Variants in CORO2A observed in about 807,000 individuals in gnomAD.
CORO2A encodes the protein coronin 2A, also known as coronin-2A.
A neutral mutation model predicts 62.4 loss-of-function variants in CORO2A; 47 were observed. The observed-to-expected ratio is 0.75, with a 90% CI of 0.60 to 0.96. The LOEUF (loss-of-function observed/expected upper bound fraction) is 0.96. Ranked by LOEUF, CORO2A falls within the 40% of genes least tolerant of loss-of-function variation. The pLI is 0.00. For missense variants in CORO2A, 610 were observed against 684.1 expected (o/e 0.89, Z 1.21); for synonymous variants, 273 against 268.9 (o/e 1.02, Z -0.15).
At chr9:98,171,235 C>T (rs561685895) in intron 1 of CORO2A, among the ~76,000 whole-genome samples, 2 of 152,222 alleles carry the variant, frequency 1.3e-5, no homozygotes, top group Non-Finnish European at 2.9e-5. Flanking sequence ...GGAAGCGCGC[C>T]TTGCTTAGCG....
At chr9:98,157,916 C>A (rs1012152544) in intron 1 of CORO2A, among the ~76,000 whole-genome samples, 1 of 152,136 alleles carries the variant, frequency 6.6e-6, no homozygotes, top group South Asian at 2.1e-4. Flanking sequence ...CTTTTCATCC[C>A]TTTGAGTGTG....
intron 2 of CORO2A, among the ~76,000 whole-genome samples, chr9:98,140,442 G>GT (rs751439267): frequency 0.015 from 2,105 of 141,242 alleles, 15 homozygotes; most frequent in Middle Eastern, 0.061. Context: ...CACTGTACTT[G>GT]TTTTTTTTTT....
chr9:98,186,817 G>A (rs565472126), intron 1 of CORO2A, among the ~76,000 whole-genome samples: 2 of 152,136 alleles, frequency 1.3e-5, no homozygotes, highest in Non-Finnish European at 2.9e-5. Context: ...GGTCAGCCTG[G>A]CTTCCTCCTC....
chr9:98,187,573 C>CAG, intron 1 of CORO2A, among the ~76,000 whole-genome samples: 1 of 152,188 alleles, frequency 6.6e-6, no homozygotes, highest in South Asian at 2.1e-4. Flanking sequence ...GGTGAGGGCC[C>CAG]ACTTCCTGGG....
At chr9:98,177,074 T>C (rs546011165) in intron 1 of CORO2A, among the ~76,000 whole-genome samples, 18 of 152,328 alleles carry the variant, frequency 1.2e-4, no homozygotes, top group Admixed American at 9.2e-4. Flanking sequence ...TCAAGGGTCA[T>C]TGGCCTTATC....
At chr9:98,188,494 T>G (rs61182322) in intron 1 of CORO2A, among the ~76,000 whole-genome samples, 66,528 of 151,996 alleles carry the variant, frequency 0.44, 16,168 homozygotes, top group African/African-American at 0.67. Flanking sequence ...GTCAGGTGTG[T>G]TGGCTCACAT....
chr9:98,176,514 G>A (rs200401293), intron 1 of CORO2A, among the ~76,000 whole-genome samples: 10 of 152,180 alleles, frequency 6.6e-5, no homozygotes, highest in Admixed American at 2.6e-4. Flanking sequence ...CTGGAGCCCC[G>A]CCAGCCACAT....
Position 98,133,080 on chromosome 9 carries a change from G to T in CORO2A, c.606C>A (p.Arg202=). The T allele has an allele frequency of 1.9e-6, 3 of 1,614,222 alleles. No homozygotes were observed. The change falls in exon 5 of 12, where the codon CGC becomes CGA. Residue 202 remains arginine, a synonymous_variant. Coordinates refer to ENST00000375077, the MANE Select transcript of CORO2A (RefSeq NM_052820.4). ...CTCGGGGGTCAATAACCCGAATCTT[G>T]CGGTCTTTGCAGGTGGTGGCCAACA... ...GSLLATTCKD[R]KIRVIDPRAG...
intron 2 of CORO2A, among the ~76,000 whole-genome samples, chr9:98,152,126 G>GT (rs3055383): frequency 0.1 from 14,810 of 142,018 alleles, 883 homozygotes; most frequent in East Asian, 0.24. Context: ...CTCTTTTGCT[G>GT]TTTTTTTTTT....
chr9:98,130,532 G>A (rs545297223), intron 7 of CORO2A, among the ~76,000 whole-genome samples: 12 of 152,366 alleles, frequency 7.9e-5, no homozygotes, highest in African/African-American at 2.9e-4. Context: ...GGTGGCCTCA[G>A]AGGTCATCCA....
intron 7 of CORO2A, 27 bp downstream of exon 7, chr9:98,130,928 G>T: frequency 6.3e-7 from 1 of 1,591,104 alleles, no homozygotes; most frequent in Non-Finnish European, 8.6e-7. Flanking sequence ...GGTCCAGGAG[G>T]TCACCTCCCT....
intron 1 of CORO2A, among the ~76,000 whole-genome samples, chr9:98,170,970 G>C (rs894701017): frequency 1.3e-5 from 2 of 152,148 alleles, no homozygotes; most frequent in African/African-American, 4.8e-5. Context: ...TGTCCTGCCT[G>C]GACCTTCTGG....
At chr9:98,135,825 AACCCCACGAGAGTAGTG>A in intron 3 of CORO2A, among the ~76,000 whole-genome samples, 1 of 152,202 alleles carries the variant, frequency 6.6e-6, no homozygotes. Context: ...CCAGGAAGCC[AACCCCACGAGAGTAGTG>A]ACAGGCTCCA....
intron 1 of CORO2A, among the ~76,000 whole-genome samples, chr9:98,160,375 CCA>C (rs1353428677): frequency 6.6e-6 from 1 of 152,200 alleles, no homozygotes; most frequent in South Asian, 2.1e-4. Flanking sequence ...GCCAGGTCCA[CCA>C]CACAGAGGAG....
intron 1 of CORO2A, 30 bp downstream of exon 1, chr9:98,192,529 G>A (rs1464354497): frequency 6.6e-6 from 1 of 151,944 alleles, no homozygotes; most frequent in Admixed American, 6.6e-5. Context: ...AGACCGGGAA[G>A]GCACGGCCGG....
intron 1 of CORO2A, among the ~76,000 whole-genome samples, chr9:98,167,994 G>C (rs1754257532): frequency 6.6e-6 from 1 of 152,228 alleles, no homozygotes; most frequent in African/African-American, 2.4e-5. Flanking sequence ...AAGCAAGAAA[G>C]AAGCAGGAGA....
intron 1 of CORO2A, among the ~76,000 whole-genome samples, chr9:98,188,334 T>A (rs1383353593): frequency 6.6e-6 from 1 of 152,224 alleles, no homozygotes; most frequent in East Asian, 1.9e-4. Flanking sequence ...TGATTTTATT[T>A]ATCACCTATT....
At position 98,134,890 on chromosome 9, in the gene CORO2A, G is replaced by A. The variant is rs148730055; in HGVS notation, c.384C>T (p.Leu128=). The A allele has an allele frequency of 2.5e-6, 4 of 1,614,184 alleles. No homozygotes were observed. The highest frequency in any genetic ancestry group is 1.7e-5 in the Admixed American group (1 of 60,018). ...GGCCTACTCTGCGCGCGTGGCCCAC[G>A]AGTTCCTTCCTGTAGGCCGTGAGGT... ...TRNLTAYRKE[L]VGHARRVGLV... is the part of the protein sequence containing the mutation. Residue 128 remains leucine (L), a synonymous_variant, in exon 4 of 12, where the codon CTC becomes CTT. Coordinates refer to ENST00000375077, the MANE Select transcript of CORO2A (RefSeq NM_052820.4).
At chr9:98,186,804 C>T (rs1015702984) in intron 1 of CORO2A, among the ~76,000 whole-genome samples, 92 of 152,064 alleles carry the variant, frequency 6.1e-4, no homozygotes, top group African/African-American at 2.1e-3. Context: ...TATATAAGCC[C>T]AGGGTCAGCC....
Sources: allele counts gnomAD v4.1 joint callset (sites outside exome capture counted in the v4.1 genomes callset), GRCh38; gene constraint gnomAD v4.1.1; transcripts MANE v1.5; gene names NCBI Gene and HGNC (gene_info 2026-07-23, HGNC 2026-07-21).